BDH2: variants seen among roughly 807,000 people sequenced by gnomAD.
The protein encoded by BDH2 is 3-hydroxybutyrate dehydrogenase 2, also known as dehydrogenase/reductase SDR family member 6.
A neutral mutation model predicts 33.2 loss-of-function variants in BDH2; 24 were observed. The observed-to-expected ratio is 0.72, with a 90% CI of 0.52 to 1.02. The LOEUF is 1.02. Among genes scored for constraint, BDH2 ranks in the 50% least tolerant of loss-of-function variants. The pLI, the probability that BDH2 is intolerant of heterozygous loss-of-function variation, is 0.00. For synonymous variants in BDH2, 81 were observed against 101.6 expected (o/e 0.80, Z 1.22); for missense variants, 249 against 301.6 (o/e 0.83, Z 1.29).
At chr4:103,089,104 A>G (rs1251153133) in intron 5 of BDH2, among the ~76,000 whole-genome samples, 4 of 152,186 alleles carry the variant, frequency 2.6e-5, no homozygotes, top group Admixed American at 1.3e-4. Flanking sequence ...AAAATTTCCT[A>G]TGAGTGTTCC....
intron 5 of BDH2, among the ~76,000 whole-genome samples, chr4:103,086,910 C>G (rs1265785544): frequency 1.3e-5 from 2 of 152,170 alleles, no homozygotes; most frequent in African/African-American, 4.8e-5. Flanking sequence ...TTTTTGAATA[C>G]CTACTGAGGC....
rs201325943 is a variant in BDH2, at chr4:103,086,452, C to T, written c.418+28G>A. The T allele has an allele frequency of 6.6e-5, 106 of 1,608,650 alleles. No homozygotes were observed. The Admixed American group carries it at 1.5e-3, about 23-fold the overall frequency. On this transcript the variant is annotated intron_variant, in intron 6 of 9. Coordinates refer to ENST00000296424, the MANE Select transcript of BDH2 (RefSeq NM_020139.4). ...CTTAATGATGTGCGTGTATGAGCAT[C>T]GCAGTCCTCGGAAGGAGACAGACCC...
chr4:103,085,542 C>T (rs1747739866), intron 6 of BDH2, 80 bp from the exon 7 acceptor site: 3 of 1,438,298 alleles, frequency 2.1e-6, no homozygotes. Flanking sequence ...AATAAGTTTT[C>T]CCAGTAGCCA....
chr4:103,098,231 G>T (rs1748501052), intron 1 of BDH2, among the ~76,000 whole-genome samples: 1 of 152,212 alleles, frequency 6.6e-6, no homozygotes, highest in Non-Finnish European at 1.5e-5. Context: ...GAGATAGGTG[G>T]ATTGGAGAAG....
At chr4:103,090,321 T>C (rs1208053302) in intron 5 of BDH2, among the ~76,000 whole-genome samples, 1 of 152,216 alleles carries the variant, frequency 6.6e-6, no homozygotes, top group Non-Finnish European at 1.5e-5. Flanking sequence ...TTAATGCTAG[T>C]TTATAAAATA....
At chr4:103,099,624 C>G (rs2069274) in intron 1 of BDH2, among the ~76,000 whole-genome samples, 159 bp downstream of exon 1, 57,928 of 151,968 alleles carry the variant, frequency 0.38, 11,069 homozygotes, top group Middle Eastern at 0.49. Flanking sequence ...ACATACATAC[C>G]ACAGAGTTTC....
rs1463858353 is a variant in BDH2, at chr4:103,085,362, G to T, written c.519C>A (p.Asn173Lys). ...TGCCTTACTCACCTGGGCACACACAGTTGCACCTGATGCCCTGCTGGATGA... is the reference window on the plus strand; with the variant it reads ...TGCCTTACTCACCTGGGCACACACATTTGCACCTGATGCCCTGCTGGATGA... ...ADFIQQGIRCNCVCPGTVDTP... is the reference protein window; with the variant it reads ...ADFIQQGIRCKCVCPGTVDTP... The change falls in exon 7 of 10, where the codon AAC becomes AAA. Residue 173 changes from asparagine (N) to lysine (K), a missense_variant. By Grantham distance (94) the Asn-to-Lys change is moderately conservative (BLOSUM62 0). Coordinates refer to ENST00000296424, the MANE Select transcript of BDH2 (RefSeq NM_020139.4). 4 of 1,610,316 alleles carry T rather than the reference G, an allele frequency of 2.5e-6. No individual in the cohort carries two copies. The highest frequency in any genetic ancestry group is 3.4e-6 in the Non-Finnish European group (4 of 1,178,938).
chr4:103,091,714 T>C, intron 4 of BDH2: 1 of 455,842 alleles, frequency 2.2e-6, no homozygotes. Context: ...CACTGCCCTC[T>C]AGCCTGGGGA....
Position 103,092,588 on chromosome 4 carries a change from GT to G in BDH2, c.248+11del. On this transcript the variant is annotated intron_variant, in intron 4 of 9. Transcript: ENST00000296424. ...TCTGTAAGGAAAGTGAAACTAAAAA[GT>G]TATGAATTACCCAGCAACATTAAAG... 1 of 1,575,800 alleles carries G rather than the reference GT, an allele frequency of 6.3e-7. No homozygotes were observed. Among genetic ancestry groups the G allele is most frequent in the Non-Finnish European group, 8.7e-7 (1 of 1,150,460 alleles).
At chr4:103,099,698 C>A (rs1183880233) in intron 1 of BDH2, 85 bp downstream of exon 1, 1 of 152,110 alleles carries the variant, frequency 6.6e-6, no homozygotes. Flanking sequence ...AAACAGGCAA[C>A]GTGCAGAAAA....
intron 1 of BDH2, among the ~76,000 whole-genome samples, chr4:103,096,614 C>T (rs1340812182): frequency 6.7e-6 from 1 of 148,456 alleles, no homozygotes; most frequent in Non-Finnish European, 1.5e-5. Context: ...GATCTCGGCT[C>T]ACTGCAACCT....
intron 5 of BDH2, among the ~76,000 whole-genome samples, chr4:103,087,518 G>A (rs888309938): frequency 6.6e-6 from 1 of 152,210 alleles, no homozygotes; most frequent in African/African-American, 2.4e-5. Context: ...TTGCTGCAGG[G>A]ATGGTGGGCC....
intron 4 of BDH2, chr4:103,091,703 C>T (rs1488398055): frequency 4.4e-6 from 2 of 456,044 alleles, no homozygotes; most frequent in Admixed American, 2.4e-5. Context: ...TATGATCATT[C>T]CACTGCCCTC....
At position 103,079,614 on chromosome 4, in the gene BDH2, AAGG is replaced by A. The variant is rs2110691514; in HGVS notation, c.*85_*87del. The stretch of plus-strand genomic sequence containing the variant: ...TTTTCATTAACATGTGATTAACAGG[AAGG>A]AGATGATTGGTGAGTTTTCTTCGTA... On this transcript the variant is annotated 3_prime_UTR_variant, in exon 10 of 10. Coordinates refer to ENST00000296424, the MANE Select transcript of BDH2 (RefSeq NM_020139.4). 1.6e-6 allele frequency: 2 copies of A among 1,260,608 alleles called. No individual in the cohort carries two copies. The highest frequency in any genetic ancestry group is 1.7e-5 in the Admixed American group (1 of 57,424). 78.1% of individuals were successfully genotyped at this position (1,260,608 alleles called of 1,614,324 possible). A position where few individuals can be genotyped will look rare whatever the true frequency, so the allele number is the denominator to read the frequency against.
rs114978654 is a variant in BDH2 at position 103,095,296 on chromosome 4, G to T, written c.73-15C>A. 6,022 of 1,601,942 alleles carry T rather than the reference G, an allele frequency of 3.8e-3. 130 individuals are homozygous for T. The African/African-American group carries it at 0.058, about 15-fold the overall frequency. On this transcript the variant is annotated splice_polypyrimidine_tract_variant and intron_variant, in intron 2 of 9. Transcript: ENST00000296424. ...CTTGCAAAAGCCTAGTAGACACAAA[G>T]TACAAATAAATCCTTTGTTTACTTG...
At chr4:103,080,954 C>T (rs545877692) in intron 9 of BDH2, among the ~76,000 whole-genome samples, 3 of 152,332 alleles carry the variant, frequency 2.0e-5, no homozygotes, top group Admixed American at 1.3e-4. Context: ...TGCGCTGTCA[C>T]GGAAACATTT....
At chr4:103,080,965 C>A (rs1157500541) in intron 9 of BDH2, among the ~76,000 whole-genome samples, 2 of 152,228 alleles carry the variant, frequency 1.3e-5, no homozygotes, top group Non-Finnish European at 2.9e-5. Flanking sequence ...GGAAACATTT[C>A]AATCCCTGTA....
intron 9 of BDH2, among the ~76,000 whole-genome samples, chr4:103,081,273 G>A (rs552245103): frequency 1.2e-4 from 18 of 152,212 alleles, no homozygotes; most frequent in African/African-American, 4.3e-4. Flanking sequence ...TTCCATACAC[G>A]ATGATGAACA....
intron 4 of BDH2, chr4:103,091,521 G>T: frequency 2.4e-6 from 1 of 418,136 alleles, no homozygotes; most frequent in East Asian, 4.9e-5. Flanking sequence ...TATGGTCACC[G>T]AACATAAGAA....
Sources: gnomAD v4.1 joint callset for allele counts (sites outside exome capture counted in the v4.1 genomes callset) on GRCh38, gnomAD v4.1.1 for gene constraint, MANE v1.5 for transcripts, NCBI Gene and HGNC (gene_info 2026-07-23, HGNC 2026-07-21) for gene names.